Variants in DNER observed in about 807,000 individuals in gnomAD.
The protein encoded by DNER is delta/notch like EGF repeat containing, also known as delta and Notch-like epidermal growth factor-related receptor.
A neutral mutation model predicts 78.2 loss-of-function variants in DNER; 33 were observed. That is an observed-to-expected ratio of 0.42 (90% CI 0.32 to 0.56). The LOEUF (loss-of-function observed/expected upper bound fraction) is 0.56. DNER is among the 20% of genes least tolerant of loss of function. DNER has a pLI of 0.11. For synonymous variants in DNER, 417 were observed against 384.8 expected (o/e 1.08, Z -0.98); for missense variants, 918 against 975.3 (o/e 0.94, Z 0.78).
intron 10 of DNER, among the ~76,000 whole-genome samples, chr2:229,389,136 A>C (rs1170806556): frequency 2.6e-5 from 4 of 152,046 alleles, no homozygotes; most frequent in Non-Finnish European, 5.9e-5. Flanking sequence ...ATGGTGGTCC[A>C]AGGGAAGCTG....
At chr2:229,440,809 C>T (rs1276162862) in intron 8 of DNER, among the ~76,000 whole-genome samples, 3 of 152,196 alleles carry the variant, frequency 2.0e-5, no homozygotes, top group Non-Finnish European at 4.4e-5. Context: ...TCCCCGCATC[C>T]AACTGACAAC....
At chr2:229,612,995 C>T (rs1463465254) in intron 1 of DNER, among the ~76,000 whole-genome samples, 1 of 152,164 alleles carries the variant, frequency 6.6e-6, no homozygotes, top group Non-Finnish European at 1.5e-5. Context: ...AAAACAATAG[C>T]TTATCTCTAG....
intron 5 of DNER, among the ~76,000 whole-genome samples, chr2:229,534,844 T>C (rs1696373236): frequency 6.6e-6 from 1 of 152,202 alleles, no homozygotes; most frequent in South Asian, 2.1e-4. Flanking sequence ...TAATTCTTTT[T>C]TTTTATTTTG....
rs879761900 is a variant in DNER at position 229,393,826 on chromosome 2, A to C, written c.1724-5430T>G. ...CATGCCACTGCACTCCAGCCTGGGC[A>C]ACAGAGCGAGACTCCGTCTCAAAAC... On this transcript the variant is annotated intron_variant, in intron 10 of 12. Coordinates refer to ENST00000341772, the MANE Select transcript of DNER (RefSeq NM_139072.4). Among the ~76,000 whole-genome samples, 4 of 152,136 alleles carry C rather than the reference A, an allele frequency of 2.6e-5. No homozygotes were observed. The East Asian group carries it at 7.8e-4, about 29-fold the overall frequency.
At chr2:229,643,412 A>G (rs1698662038) in intron 1 of DNER, among the ~76,000 whole-genome samples, 1 of 152,158 alleles carries the variant, frequency 6.6e-6, no homozygotes, top group Non-Finnish European at 1.5e-5. Context: ...AAAGCATTAC[A>G]CACTTAGAAT....
chr2:229,397,828 G>A (rs941119537), intron 10 of DNER, among the ~76,000 whole-genome samples: 7 of 152,148 alleles, frequency 4.6e-5, no homozygotes, highest in South Asian at 4.1e-4. Context: ...TAAATTGACT[G>A]AAAATGAAAA....
At chr2:229,690,156 G>A (rs1228326853) in intron 1 of DNER, among the ~76,000 whole-genome samples, 2 of 152,196 alleles carry the variant, frequency 1.3e-5, no homozygotes, top group African/African-American at 2.4e-5. Flanking sequence ...TTAATATTCT[G>A]CTGAGACACC....
chr2:229,358,389 C>G lies in DNER; in HGVS notation c.*151G>C. 1.5e-6 allele frequency: 1 copy of G among 650,638 alleles called. No homozygotes were observed. 40.3% of individuals were successfully genotyped at this position (650,638 alleles called of 1,614,324 possible). ...AATTTTGTTTTTAAAATATTTTTTC[C>G]AAACTAAAAGCTGCAGAAAATTAGT... is the stretch of plus-strand genomic sequence containing the variant. On this transcript the variant is annotated 3_prime_UTR_variant, in exon 13 of 13. Transcript: ENST00000341772.
chr2:229,396,794 G>C (rs181125344), intron 10 of DNER, among the ~76,000 whole-genome samples: 101 of 152,296 alleles, frequency 6.6e-4, no homozygotes, highest in African/African-American at 2.3e-3. Context: ...CTGAGCATAG[G>C]TCACTAGCCT....
chr2:229,680,692 A>G (rs944534383), intron 1 of DNER, among the ~76,000 whole-genome samples: 2 of 152,198 alleles, frequency 1.3e-5, no homozygotes, highest in African/African-American at 2.4e-5. Context: ...CAGAACATCC[A>G]CTTACTTTGT....
chr2:229,579,913 G>A (rs1336385568), intron 4 of DNER, among the ~76,000 whole-genome samples: 3 of 151,896 alleles, frequency 2.0e-5, no homozygotes, highest in Non-Finnish European at 4.4e-5. Flanking sequence ...ATAAAATCCT[G>A]GGGACTGTGA....
chr2:229,671,341 A>C (rs1699204748), intron 1 of DNER, among the ~76,000 whole-genome samples: 3 of 152,182 alleles, frequency 2.0e-5, no homozygotes, highest in Non-Finnish European at 4.4e-5. Flanking sequence ...AGGGCTACCT[A>C]AGCTGTTCCT....
rs557310156 is a variant in DNER, at chr2:229,562,655, G to A, written c.848-15563C>T. 3.4e-4 allele frequency among the ~76,000 whole-genome samples: 51 copies of A among 151,986 alleles called. 1 individual carries two copies. Among genetic ancestry groups the A allele is most frequent in the Non-Finnish European group, 6.0e-4 (41 of 68,000 alleles). ...CAAGGGTAATGGAAAGATTACACCA[G>A]GCTCTGCCACCAGATGGCCTGAGTT... On this transcript the variant is annotated intron_variant, in intron 4 of 12. Coordinates refer to ENST00000341772, the MANE Select transcript of DNER (RefSeq NM_139072.4).
intron 4 of DNER, among the ~76,000 whole-genome samples, chr2:229,551,880 G>C (rs545511808): frequency 2.0e-5 from 3 of 151,740 alleles, no homozygotes; most frequent in Non-Finnish European, 1.5e-5. Flanking sequence ...TGCAGTGAAC[G>C]GAGATTGCAC....
intron 4 of DNER, among the ~76,000 whole-genome samples, chr2:229,547,752 T>C (rs1321251625): frequency 1.3e-5 from 2 of 152,230 alleles, no homozygotes; most frequent in Non-Finnish European, 2.9e-5. Flanking sequence ...TAATCATAGT[T>C]GAATATGGAT....
At chr2:229,565,455 A>G (rs1052921784) in intron 4 of DNER, among the ~76,000 whole-genome samples, 1 of 152,216 alleles carries the variant, frequency 6.6e-6, no homozygotes, top group Admixed American at 6.5e-5. Context: ...GGCTCTAGGC[A>G]TTACTTAAAG....
At chr2:229,486,827 C>T (rs1026355079) in intron 6 of DNER, among the ~76,000 whole-genome samples, 5 of 152,274 alleles carry the variant, frequency 3.3e-5, no homozygotes, top group Non-Finnish European at 5.9e-5. Flanking sequence ...CAGCATCAGC[C>T]CTGCCTGGGA....
At chr2:229,416,284 T>G (rs548853960) in intron 9 of DNER, among the ~76,000 whole-genome samples, 2 of 152,224 alleles carry the variant, frequency 1.3e-5, no homozygotes, top group Non-Finnish European at 2.9e-5. Context: ...TCACTTCCTT[T>G]CTTGAGTGTT....
chr2:229,511,456 T>C (rs1695863202), intron 6 of DNER, among the ~76,000 whole-genome samples: 1 of 152,296 alleles, frequency 6.6e-6, no homozygotes, highest in South Asian at 2.1e-4. Flanking sequence ...ACAGCAACAC[T>C]GTCCACTGCA....
Sources: gnomAD v4.1 joint callset for allele counts (sites outside exome capture counted in the v4.1 genomes callset) on GRCh38, gnomAD v4.1.1 for gene constraint, MANE v1.5 for transcripts, NCBI Gene and HGNC (gene_info 2026-07-23, HGNC 2026-07-21) for gene names.